The following STOX2 variants were observed in gnomAD, a reference collection of about 807,000 sequenced individuals.
STOX2 encodes storkhead-box protein 2.
A neutral mutation model predicts 60.9 loss-of-function variants in STOX2; 28 were observed. The ratio of observed to expected loss-of-function variants is 0.46; its 90% CI spans 0.34 to 0.63. The LOEUF (loss-of-function observed/expected upper bound fraction) is 0.63. Ranked by LOEUF, STOX2 falls within the 30% of genes least tolerant of loss-of-function variation. The probability of loss-of-function intolerance (pLI) is 0.01; values close to 1 mark genes in which losing one functional copy is unlikely to be tolerated. For synonymous variants in STOX2, 472 were observed against 463.9 expected, an observed-to-expected ratio of 1.02 and a Z score of -0.22; for missense variants, 1,024 against 1,187.7, an observed-to-expected ratio of 0.86 and a Z score of 2.03.
chr4:183,972,196 AG>A (rs1743763770), intron 1 of STOX2, among the ~76,000 whole-genome samples: 2 of 152,204 alleles, frequency 1.3e-5, no homozygotes, highest in African/African-American at 4.8e-5. Context: ...TTTCTGATGA[AG>A]GGAACTGTGG....
At chr4:183,963,618 G>A (rs559089064) in intron 1 of STOX2, among the ~76,000 whole-genome samples, 1 of 151,690 alleles carries the variant, frequency 6.6e-6, no homozygotes, top group African/African-American at 2.4e-5. Context: ...TAGAGACGGG[G>A]TTTCACCATG....
chr4:183,889,966 C>T (rs1427464564), intron 1 of STOX2, among the ~76,000 whole-genome samples: 1 of 152,214 alleles, frequency 6.6e-6, no homozygotes, highest in African/African-American at 2.4e-5. Context: ...GCTTCTATTT[C>T]CCACAATATG....
At chr4:183,903,267 A>G (rs147602064), upstream of STOX2, among the ~76,000 whole-genome samples, 1,313 of 152,176 alleles carry the variant, frequency 8.6e-3, 59 homozygotes, top group Admixed American at 0.069. Context: ...CTCCAATTTC[A>G]GCCACAGTGG....
chr4:183,855,701 A>T (rs1412089411), intron 1 of STOX2, among the ~76,000 whole-genome samples: 1 of 152,248 alleles, frequency 6.6e-6, no homozygotes, highest in Non-Finnish European at 1.5e-5. Context: ...GAAAGCGCTA[A>T]GTAGGCATAG....
Position 183,861,366 on chromosome 4 carries a change from G to C in STOX2, c.364+63311G>C, listed in dbSNP as rs17295442. Among the ~76,000 whole-genome samples the C allele has an allele frequency of 5.5e-3, 844 of 152,274 alleles. 3 individuals are homozygous for C. The highest frequency in any genetic ancestry group is 9.4e-3 in the Non-Finnish European group (642 of 68,026). On this transcript the variant is annotated intron_variant, in intron 1 of 2. Coordinates refer to the STOX2 transcript ENST00000513034. ...CTGTCTTTGTCTGGCCATTGCTGCT[G>C]TTTGCCGCCATGGTGAAGTTTGTTG...
rs1553987519 is a variant in STOX2 at position 184,007,045 on chromosome 4, A to AAAAC, written c.320-2110_320-2109insCAAA. 2.2e-3 allele frequency among the ~76,000 whole-genome samples: 256 copies of AAAAC among 118,368 alleles called. 4 individuals carry two copies. The highest frequency in any genetic ancestry group is 2.8e-3 in the Non-Finnish European group (156 of 56,348). 77.7% of individuals were successfully genotyped at this position (118,368 alleles called of 152,430 possible). On this transcript the variant is annotated intron_variant, in intron 2 of 3. Transcript: ENST00000308497. Reference sequence around the variant, plus strand: ...AAAAAAAAAAAAACAAAACAAAAAAAAAATTTTGTTATTATTGGTCTTAAA... The same window carrying AAAAC: ...AAAAAAAAAAAAACAAAACAAAAAAAAAACAAATTTTGTTATTATTGGTCTTAAA...
chr4:183,888,172 C>G (rs916382509), intron 1 of STOX2, among the ~76,000 whole-genome samples: 3 of 152,146 alleles, frequency 2.0e-5, no homozygotes, highest in South Asian at 4.1e-4. Flanking sequence ...TTTCATTCCC[C>G]TGAGACAGCT....
At chr4:183,976,145 T>C (rs1732435544) in intron 1 of STOX2, among the ~76,000 whole-genome samples, 1 of 152,086 alleles carries the variant, frequency 6.6e-6, no homozygotes, top group Non-Finnish European at 1.5e-5. Context: ...ACCTTGTCTC[T>C]ACTAAAAAAT....
chr4:183,807,833 AG>A (rs1267175855), intron 1 of STOX2, among the ~76,000 whole-genome samples: 1 of 152,126 alleles, frequency 6.6e-6, no homozygotes, highest in Non-Finnish European at 1.5e-5. Context: ...GAGAAGATAG[AG>A]GAAGAGGAGG....
chr4:183,900,385 T>C (rs372819393), upstream of STOX2, among the ~76,000 whole-genome samples: 9 of 152,222 alleles, frequency 5.9e-5, no homozygotes, highest in East Asian at 1.7e-3. Flanking sequence ...CTGATGGATC[T>C]GAGCAGAATA....
chr4:183,807,073 C>T (rs937259069), intron 1 of STOX2, among the ~76,000 whole-genome samples: 10 of 152,032 alleles, frequency 6.6e-5, no homozygotes, highest in Non-Finnish European at 1.2e-4. Context: ...CCCGGGTTCA[C>T]GCCATTCTCC....
intron 2 of STOX2, among the ~76,000 whole-genome samples, chr4:184,004,231 A>G (rs192963056): frequency 5.4e-4 from 83 of 152,322 alleles, no homozygotes; most frequent in African/African-American, 1.9e-3. Context: ...TCAAAAGTGT[A>G]GTCTAGAATT....
At chr4:183,868,798 CTTAACTGAATGTTCTAGTT>C (rs1484986701) in intron 1 of STOX2, among the ~76,000 whole-genome samples, 2 of 152,172 alleles carry the variant, frequency 1.3e-5, no homozygotes, top group African/African-American at 4.8e-5. Flanking sequence ...AGATGTCCGG[CTTAACTGAATGTTCTAGTT>C]TATTAAAAGT....
intron 1 of STOX2, among the ~76,000 whole-genome samples, chr4:183,986,836 T>C (rs913403761): frequency 2.0e-5 from 3 of 151,828 alleles, no homozygotes; most frequent in Non-Finnish European, 4.4e-5. Context: ...ATCACCGGAG[T>C]CAGGAGAGGA....
intron 1 of STOX2, among the ~76,000 whole-genome samples, chr4:183,911,681 G>A (rs560228581): frequency 6.6e-6 from 1 of 152,206 alleles, no homozygotes; most frequent in African/African-American, 2.4e-5. Context: ...GAGCAATTCT[G>A]GCCTGAAATT....
chr4:184,022,152 T>A lies in STOX2; in HGVS notation c.*4868T>A, dbSNP rs1488081606. 6.6e-6 allele frequency: 1 copy of A among 152,238 alleles called. No homozygotes were observed. Among genetic ancestry groups the A allele is most frequent in the Non-Finnish European group, 1.5e-5 (1 of 68,054 alleles). 9.4% of individuals were successfully genotyped at this position (152,238 alleles called of 1,614,324 possible). A position where few individuals can be genotyped will look rare whatever the true frequency, so the allele number is the denominator to read the frequency against. On this transcript the variant is annotated 3_prime_UTR_variant, in exon 4 of 4. Coordinates refer to ENST00000308497, the MANE Select transcript of STOX2 (RefSeq NM_020225.3). ...TTGCCAAGTGAGATAGAATCAACTG[T>A]CACCCCATTCCTTTCCCAGAAGGTC...
chr4:184,016,618 C>T (rs1426197629), intron 3 of STOX2, among the ~76,000 whole-genome samples: 1 of 152,130 alleles, frequency 6.6e-6, no homozygotes, highest in Non-Finnish European at 1.5e-5. Flanking sequence ...GCTCAAGTCC[C>T]CCACAGTCGA....
intron 1 of STOX2, among the ~76,000 whole-genome samples, chr4:183,854,716 T>C (rs1740245639): frequency 6.6e-6 from 1 of 152,200 alleles, no homozygotes; most frequent in East Asian, 1.9e-4. Flanking sequence ...ATGATTTTGA[T>C]ATAGAGCACT....
At chr4:183,929,902 C>T (rs551196362) in intron 1 of STOX2, among the ~76,000 whole-genome samples, 6 of 142,590 alleles carry the variant, frequency 4.2e-5, no homozygotes, top group South Asian at 2.1e-4. Flanking sequence ...CTCACTCTGT[C>T]GCCCAGGCTG....
Sources: gnomAD v4.1 joint callset for allele counts (sites outside exome capture counted in the v4.1 genomes callset) on GRCh38, gnomAD v4.1.1 for gene constraint, MANE v1.5 for transcripts, NCBI Gene and HGNC (gene_info 2026-07-23, HGNC 2026-07-21) for gene names.